Variants in PCDHGA4 observed in about 807,000 individuals in gnomAD.
PCDHGA4 encodes protocadherin gamma subfamily A, 4.
PCDHGA4 carries 38 observed loss-of-function variants against 54.6 expected under a neutral mutation model. The ratio of observed to expected loss-of-function variants is 0.70; its 90% CI spans 0.54 to 0.91. The LOEUF (loss-of-function observed/expected upper bound fraction) is 0.91, where lower values mean the gene tolerates loss of function less well. PCDHGA4 is among the 40% of genes least tolerant of loss of function. The probability of loss-of-function intolerance (pLI) is 0.00; values close to 1 mark genes in which losing one functional copy is unlikely to be tolerated. For missense variants in PCDHGA4, 1,298 were observed against 1,220.9 expected, an observed-to-expected ratio of 1.06 and a Z score of -0.94; for synonymous variants, 511 against 512.9, an observed-to-expected ratio of 1.00 and a Z score of 0.05.
intron 2 of PCDHGA4, among the ~76,000 whole-genome samples, chr5:141,504,036 G>T (rs1472706342): frequency 6.6e-6 from 1 of 152,080 alleles, no homozygotes; most frequent in African/African-American, 2.4e-5. Flanking sequence ...ACTCATTTAG[G>T]CAACAAATAT....
intron 1 of PCDHGA4, chr5:141,409,177 T>C: frequency 3.1e-6 from 5 of 1,613,944 alleles, no homozygotes; most frequent in Non-Finnish European, 4.2e-6. Context: ...AGGACGGAGG[T>C]GGTCTCTCTA....
rs189915173 is a variant in PCDHGA4 at position 141,359,776 on chromosome 5, C to A, written c.2514+2155C>A. On this transcript the variant is annotated intron_variant, in intron 1 of 3. Transcript: ENST00000571252. ...TCTAAAGCAGAGATGAAAGGAAGAA[C>A]CTATGCTGAATGCATCTTTTGAATT... Among the ~76,000 whole-genome samples, 214 of 152,230 alleles carry A rather than the reference C, an allele frequency of 1.4e-3. 1 individual carries two copies. The highest frequency in any genetic ancestry group is 4.8e-3 in the African/African-American group (200 of 41,544).
At chr5:141,365,174 C>T (rs748996894) in intron 1 of PCDHGA4, 28 of 1,613,760 alleles carry the variant, frequency 1.7e-5, no homozygotes, top group Non-Finnish European at 2.1e-5. Flanking sequence ...CTACTCTTTT[C>T]GCAATGAAGA....
At chr5:141,484,075 C>G (rs1397285710) in intron 1 of PCDHGA4, among the ~76,000 whole-genome samples, 2 of 152,084 alleles carry the variant, frequency 1.3e-5, no homozygotes, top group African/African-American at 4.8e-5. Context: ...AAAGCTTGCT[C>G]TTTTGAAATG....
chr5:141,363,646 A>C (rs969938262), intron 1 of PCDHGA4, among the ~76,000 whole-genome samples: 2 of 152,252 alleles, frequency 1.3e-5, no homozygotes, highest in African/African-American at 4.8e-5. Flanking sequence ...CACAAGTAAC[A>C]AAGATCTTTA....
chr5:141,360,212 C>G (rs17097231), intron 1 of PCDHGA4: 158,148 of 1,612,832 alleles, frequency 0.098, 8,576 homozygotes, highest in African/African-American at 0.15. Flanking sequence ...TCTTTGTTCC[C>G]CGGGGCTCTC....
At chr5:141,414,312 C>T in intron 1 of PCDHGA4, 1 of 1,613,724 alleles carries the variant, frequency 6.2e-7, no homozygotes, top group South Asian at 1.1e-5. Context: ...ATGATTTAGA[C>T]TCTGAGCAGA....
chr5:141,385,110 C>G (rs1315178545), intron 1 of PCDHGA4: 2 of 1,614,194 alleles, frequency 1.2e-6, no homozygotes, highest in South Asian at 2.2e-5. Flanking sequence ...ACGTGCCCAC[C>G]TCGCACTTTG....
Position 141,490,672 on chromosome 5 carries a change from G to A in PCDHGA4, c.2515-4135G>A. ...GGGCTCCCTTCTTTGCACTGTGGCT[G>A]CCTCAGATCCAGACACTGGGGATAA... is the stretch of plus-strand genomic sequence containing the variant. On this transcript the variant is annotated intron_variant, in intron 1 of 3. Transcript: ENST00000571252. This position sits in a 1 kb window ranked among gnomAD's most constrained non-coding sequence, Gnocchi z 5.4. 1.2e-6 allele frequency: 2 copies of A among 1,614,114 alleles called. No homozygotes were observed. Among genetic ancestry groups the A allele is most frequent in the Non-Finnish European group, 1.7e-6 (2 of 1,179,996 alleles).
chr5:141,385,962 A>G (rs997092778), intron 1 of PCDHGA4: 1 of 152,264 alleles, frequency 6.6e-6, no homozygotes, highest in Admixed American at 6.5e-5. Context: ...ACTAAAGGCC[A>G]TCGGACAAAA....
At chr5:141,400,747 G>GCTT (rs1302066014) in intron 1 of PCDHGA4, 9 of 602,662 alleles carry the variant, frequency 1.5e-5, no homozygotes, top group Admixed American at 6.5e-5. Context: ...TTTGCTCTTA[G>GCTT]CTTCCTCTCT....
chr5:141,463,208 C>G (rs895284460), intron 1 of PCDHGA4, among the ~76,000 whole-genome samples: 1 of 152,090 alleles, frequency 6.6e-6, no homozygotes, highest in African/African-American at 2.4e-5. Flanking sequence ...CTTGGGGATC[C>G]ATATTAATAT....
chr5:141,464,377 T>A (rs1410334231), intron 1 of PCDHGA4, among the ~76,000 whole-genome samples: 3 of 151,486 alleles, frequency 2.0e-5, no homozygotes, highest in Admixed American at 2.0e-4. Flanking sequence ...TTTTGCAATA[T>A]AAAAAATGCT....
intron 1 of PCDHGA4, among the ~76,000 whole-genome samples, chr5:141,435,157 A>G (rs1387976305): frequency 6.6e-6 from 1 of 152,176 alleles, no homozygotes; most frequent in Non-Finnish European, 1.5e-5. Context: ...AAACTTTTGT[A>G]AATAGAGTGG....
intron 1 of PCDHGA4, chr5:141,409,119 C>A: frequency 6.2e-7 from 1 of 1,613,928 alleles, no homozygotes; most frequent in Non-Finnish European, 8.5e-7. Flanking sequence ...AATAACCAGT[C>A]ATTTGATTTT....
chr5:141,372,041 C>T (rs779511565), intron 1 of PCDHGA4: 1 of 1,613,492 alleles, frequency 6.2e-7, no homozygotes, highest in South Asian at 1.1e-5. Flanking sequence ...TGAGCCTGCG[C>T]GTGTTGGTGG....
rs535024997 is a variant in PCDHGA4, at chr5:141,371,494, C to T, written c.2514+13873C>T. ...GATGCTGAGCTGGGGACTGCCGTTG[C>T]CCTGATCAAAACACATGATCTAGAT... On this transcript the variant is annotated intron_variant, in intron 1 of 3. Coordinates refer to ENST00000571252, the MANE Select transcript of PCDHGA4 (RefSeq NM_018917.4). The T allele has an allele frequency of 2.5e-6, 4 of 1,613,888 alleles. No individual in the cohort carries two copies. In the Admixed American group the frequency reaches 5.0e-5, roughly 20 times the overall value.
At position 141,422,164 on chromosome 5, in the gene PCDHGA4, T is replaced by C. The variant is rs2096630287; in HGVS notation, c.2514+64543T>C. 2 of 1,568,668 alleles carry C rather than the reference T, an allele frequency of 1.3e-6. No homozygotes were observed. Among genetic ancestry groups the C allele is most frequent in the Non-Finnish European group, 1.7e-6 (2 of 1,162,894 alleles). On this transcript the variant is annotated intron_variant, in intron 1 of 3. Coordinates refer to ENST00000571252, the MANE Select transcript of PCDHGA4 (RefSeq NM_018917.4). ...ACGGGGGTCTCTGGATTTTGAAAAA[T>C]ATAGATTCTATGAGATGGAAATTCA... is the stretch of plus-strand genomic sequence containing the variant.
chr5:141,395,222 A>G, intron 1 of PCDHGA4: 2 of 1,611,606 alleles, frequency 1.2e-6, no homozygotes, highest in Non-Finnish European at 1.7e-6. Flanking sequence ...ATAAGAATGA[A>G]GCTGATCATG....
Sources: gnomAD v4.1 joint callset for allele counts (sites outside exome capture counted in the v4.1 genomes callset) on GRCh38, gnomAD v4.1.1 for gene constraint, Gnocchi (gnomAD v3.1) non-coding constraint, MANE v1.5 for transcripts, NCBI Gene and HGNC (gene_info 2026-07-23, HGNC 2026-07-21) for gene names.